Variants in PTN observed in about 807,000 individuals in gnomAD.
The protein encoded by PTN is pleiotrophin.
A neutral mutation model predicts 24.1 loss-of-function variants in PTN; 18 were observed. The ratio of observed to expected loss-of-function variants is 0.75; its 90% CI spans 0.52 to 1.11. PTN has a LOEUF of 1.11. Among genes scored for constraint, PTN ranks in the 50% least tolerant of loss-of-function variants. PTN has a pLI of 0.00. For missense variants in PTN, 163 were observed against 198.8 expected (o/e 0.82, Z 1.08); for synonymous variants, 78 against 68.6 (o/e 1.14, Z -0.67).
chr7:137,294,407 C>T (rs1459506863), intron 1 of PTN, among the ~76,000 whole-genome samples: 1 of 152,160 alleles, frequency 6.6e-6, no homozygotes, highest in African/African-American at 2.4e-5. Context: ...CTGGCTTGGG[C>T]AGCCTTGTGC....
intron 1 of PTN, among the ~76,000 whole-genome samples, chr7:137,285,474 T>A (rs1366081529): frequency 6.6e-6 from 1 of 152,132 alleles, no homozygotes; most frequent in African/African-American, 2.4e-5. Flanking sequence ...GAGACCAGCC[T>A]GGCCAACACG....
chr7:137,333,220 C>T (rs1810389549), intron 1 of PTN, among the ~76,000 whole-genome samples: 1 of 152,162 alleles, frequency 6.6e-6, no homozygotes, highest in African/African-American at 2.4e-5. Context: ...TCCCTTTCAC[C>T]TTCCACCATG....
At chr7:137,292,912 A>T (rs1481080944) in intron 1 of PTN, among the ~76,000 whole-genome samples, 1 of 152,204 alleles carries the variant, frequency 6.6e-6, no homozygotes, top group Non-Finnish European at 1.5e-5. Context: ...AAAAAAAAGT[A>T]ATCAAAATGT....
chr7:137,257,273 A>G (rs1271042176), intron 1 of PTN, among the ~76,000 whole-genome samples: 2 of 152,240 alleles, frequency 1.3e-5, no homozygotes, highest in East Asian at 3.8e-4. Context: ...TTCTTATTAT[A>G]TCAGATTGGT....
At chr7:137,284,704 A>G (rs1809526989) in intron 1 of PTN, among the ~76,000 whole-genome samples, 1 of 152,166 alleles carries the variant, frequency 6.6e-6, no homozygotes, top group Admixed American at 6.5e-5. Flanking sequence ...TTAGATGACT[A>G]CATTCTGGAG....
At chr7:137,287,678 A>G (rs927712067) in intron 1 of PTN, 5 of 152,186 alleles carry the variant, frequency 3.3e-5, no homozygotes, top group Non-Finnish European at 7.3e-5. Context: ...CATATAATTA[A>G]AAGTCTTACA....
At chr7:137,341,247 T>C (rs890602915) in intron 1 of PTN, among the ~76,000 whole-genome samples, 4 of 152,230 alleles carry the variant, frequency 2.6e-5, no homozygotes, top group African/African-American at 9.6e-5. Context: ...TTTCTCTCTG[T>C]TGTTTTCAAC....
intron 1 of PTN, among the ~76,000 whole-genome samples, chr7:137,276,817 A>C (rs1033985545): frequency 1.3e-5 from 2 of 152,166 alleles, no homozygotes; most frequent in African/African-American, 4.8e-5. Flanking sequence ...AAATCACAAA[A>C]AATATTTACT....
chr7:137,230,479 A>G (rs1245529065), intron 4 of PTN, among the ~76,000 whole-genome samples: 2 of 151,900 alleles, frequency 1.3e-5, no homozygotes, highest in Non-Finnish European at 2.9e-5. Flanking sequence ...CTCAATCTAA[A>G]GAGAAAAATA....
intron 4 of PTN, among the ~76,000 whole-genome samples, chr7:137,239,903 G>A (rs923031513): frequency 3.9e-5 from 6 of 152,112 alleles, no homozygotes; most frequent in Non-Finnish European, 8.8e-5. Flanking sequence ...TTAATATTTG[G>A]GAAGGGAAGT....
intron 1 of PTN, among the ~76,000 whole-genome samples, chr7:137,332,246 C>T (rs372152802): frequency 6.6e-6 from 1 of 152,062 alleles, no homozygotes. Flanking sequence ...AACAGTGGTG[C>T]CTATTTCAAG....
intron 1 of PTN, among the ~76,000 whole-genome samples, chr7:137,333,567 G>C (rs1229228180): frequency 2.0e-5 from 3 of 152,176 alleles, no homozygotes; most frequent in Non-Finnish European, 4.4e-5. Context: ...TGGAAGGAAA[G>C]AGTCTAATGC....
chr7:137,278,389 C>T (rs1809406950), intron 1 of PTN, among the ~76,000 whole-genome samples: 2 of 148,834 alleles, frequency 1.3e-5, no homozygotes, highest in South Asian at 4.3e-4. Context: ...CAAGCAAGAC[C>T]CAATTGTATG....
intron 1 of PTN, among the ~76,000 whole-genome samples, chr7:137,257,890 G>A (rs1043315255): frequency 9.2e-5 from 14 of 152,098 alleles, no homozygotes; most frequent in Admixed American, 2.6e-4. Context: ...CAAGAAGAGA[G>A]GCCAGAAGCA....
chr7:137,332,396 AATATTTCATTATTTTTCAC>A (rs956377168), intron 1 of PTN, among the ~76,000 whole-genome samples: 1 of 57,656 alleles, frequency 1.7e-5, no homozygotes, highest in African/African-American at 5.2e-5. Flanking sequence ...TGGAAAAAAA[AATATTTCATTATTTTTCAC>A]ATGGTTAAAA....
chr7:137,343,136 C>T (rs1006188358), intron 1 of PTN, among the ~76,000 whole-genome samples: 1 of 152,200 alleles, frequency 6.6e-6, no homozygotes, highest in African/African-American at 2.4e-5. Flanking sequence ...CTCTCCAGCC[C>T]ACCCTGTCTT....
intron 1 of PTN, among the ~76,000 whole-genome samples, chr7:137,324,509 C>T (rs1007381227): frequency 7.4e-5 from 11 of 148,254 alleles, no homozygotes; most frequent in Non-Finnish European, 1.5e-4. Flanking sequence ...AAGTATGGGG[C>T]ACTTTAAGAC....
At position 137,253,536 on chromosome 7, in the gene PTN, C is replaced by T; in HGVS notation, c.217G>A (p.Gly73Arg). ...GLGTREGTRT[G>R]AECKQTMKTQ... is the part of the protein sequence containing the mutation. ...TTCATGGTTTGCTTGCACTCAGCTC[C>T]AGTCCGAGTGCCCTCCCGTGTGCCC... Residue 73 changes from glycine to arginine, a missense_variant, in exon 3 of 5, where the codon GGA becomes AGA. By Grantham distance (125) the Gly-to-Arg change is moderately radical. Coordinates refer to ENST00000348225, the MANE Select transcript of PTN (RefSeq NM_002825.7). 6.2e-7 allele frequency: 1 copy of T among 1,612,668 alleles called. No individual in the cohort carries two copies. Among genetic ancestry groups the T allele is most frequent in the Non-Finnish European group, 8.5e-7 (1 of 1,179,378 alleles).
At chr7:137,271,209 T>C (rs1426693056) in intron 1 of PTN, among the ~76,000 whole-genome samples, 2 of 152,226 alleles carry the variant, frequency 1.3e-5, no homozygotes, top group African/African-American at 2.4e-5. Flanking sequence ...TCCAATGTCA[T>C]ATAATTTCAG....
Sources: allele counts gnomAD v4.1 joint callset (sites outside exome capture counted in the v4.1 genomes callset), GRCh38; gene constraint gnomAD v4.1.1; transcripts MANE v1.5; gene names NCBI Gene and HGNC (gene_info 2026-07-23, HGNC 2026-07-21).